GALNT17: variants seen among roughly 807,000 people sequenced by gnomAD.
GALNT17 encodes the protein polypeptide N-acetylgalactosaminyltransferase 17, also known as UDP-GalNAc:polypeptide N-acetylgalactosaminyltransferase-like 3.
GALNT17 carries 29 observed loss-of-function variants against 63.7 expected under a neutral mutation model. That is an observed-to-expected ratio of 0.46 (90% CI 0.34 to 0.62). GALNT17 has a LOEUF of 0.62. GALNT17 is among the 20% of genes least tolerant of loss of function. The pLI is 0.01. For synonymous variants in GALNT17, 305 were observed against 318.3 expected (o/e 0.96, Z 0.45); for missense variants, 603 against 799.6 (o/e 0.75, Z 2.97).
At chr7:71,643,976 T>C (rs1790638901) in intron 6 of GALNT17, among the ~76,000 whole-genome samples, 1 of 152,180 alleles carries the variant, frequency 6.6e-6, no homozygotes, top group Non-Finnish European at 1.5e-5. Context: ...TATCCAGCTT[T>C]CCTGGAAGCT....
intron 1 of GALNT17, among the ~76,000 whole-genome samples, chr7:71,311,636 G>A (rs1039105068): frequency 4.6e-5 from 7 of 152,178 alleles, no homozygotes; most frequent in African/African-American, 1.2e-4. Flanking sequence ...GAGCAGCGCA[G>A]CATCTCAGTG....
chr7:71,524,238 T>G (rs1471956709), intron 5 of GALNT17, among the ~76,000 whole-genome samples: 1 of 147,686 alleles, frequency 6.8e-6, no homozygotes, highest in Non-Finnish European at 1.5e-5. Flanking sequence ...ATATTATATA[T>G]ATAATAATAA....
At chr7:71,269,818 TG>T (rs1448930517) in intron 1 of GALNT17, among the ~76,000 whole-genome samples, 1 of 152,174 alleles carries the variant, frequency 6.6e-6, no homozygotes, top group Non-Finnish European at 1.5e-5. Flanking sequence ...ATAGCATGGC[TG>T]GGGGAGGTGA....
In GALNT17 at chr7:71,677,351, C is replaced by T. The variant is rs78380583; in HGVS notation, c.1500+45C>T. 823 of 1,579,612 alleles carry T rather than the reference C, an allele frequency of 5.2e-4. 5 individuals are homozygous for T. The African/African-American group carries it at 9.1e-3, about 18-fold the overall frequency. On this transcript the variant is annotated intron_variant, in intron 9 of 10. Transcript: ENST00000333538. Reference sequence around the variant, plus strand: ...CAGGAAGGAAGTAATATCACCATCTCCGACCCACAGAGGCCTTGCAGGCCT... The same window carrying T: ...CAGGAAGGAAGTAATATCACCATCTTCGACCCACAGAGGCCTTGCAGGCCT...
At chr7:71,452,472 G>T (rs1340008355) in intron 5 of GALNT17, among the ~76,000 whole-genome samples, 1 of 151,552 alleles carries the variant, frequency 6.6e-6, no homozygotes, top group Non-Finnish European at 1.5e-5. Context: ...GCTTGAACTT[G>T]GGAGGCGGAG....
chr7:71,291,666 A>G (rs949181201), intron 1 of GALNT17, among the ~76,000 whole-genome samples: 1 of 152,116 alleles, frequency 6.6e-6, no homozygotes, highest in Non-Finnish European at 1.5e-5. Context: ...TTTAATTTTA[A>G]TGTTATGCGT....
At chr7:71,411,142 A>G (rs1793422546) in intron 3 of GALNT17, among the ~76,000 whole-genome samples, 1 of 151,392 alleles carries the variant, frequency 6.6e-6, no homozygotes, top group Non-Finnish European at 1.5e-5. Context: ...TTCTTTTTTG[A>G]GAGAGTCTCG....
At chr7:71,202,061 T>C (rs937946197) in intron 1 of GALNT17, among the ~76,000 whole-genome samples, 3 of 152,228 alleles carry the variant, frequency 2.0e-5, no homozygotes, top group Admixed American at 6.5e-5. Context: ...AAACATATTA[T>C]AATGTTCAAT....
intron 1 of GALNT17, among the ~76,000 whole-genome samples, chr7:71,165,266 A>G (rs1395193663): frequency 6.6e-6 from 1 of 152,196 alleles, no homozygotes; most frequent in Non-Finnish European, 1.5e-5. Flanking sequence ...GGAGTCTGAA[A>G]ATCCGAGTTC....
intron 1 of GALNT17, among the ~76,000 whole-genome samples, chr7:71,219,863 A>G (rs1256061724): frequency 2.0e-5 from 3 of 152,152 alleles, no homozygotes; most frequent in East Asian, 1.9e-4. Flanking sequence ...CTTTCTGTGC[A>G]TTGTGGTGGT....
chr7:71,140,451 G>A (rs1229701368), intron 1 of GALNT17, among the ~76,000 whole-genome samples: 4 of 152,186 alleles, frequency 2.6e-5, no homozygotes, highest in Non-Finnish European at 5.9e-5. Flanking sequence ...ATCTGTGTTG[G>A]CAGGTGAGTG....
intron 5 of GALNT17, among the ~76,000 whole-genome samples, chr7:71,564,658 G>A (rs953997981): frequency 1.8e-4 from 27 of 152,074 alleles, no homozygotes; most frequent in Non-Finnish European, 1.2e-4. Flanking sequence ...CGCTGCACTG[G>A]GCTTACCTCC....
chr7:71,261,188 G>C (rs754580367), intron 1 of GALNT17, among the ~76,000 whole-genome samples: 4 of 152,118 alleles, frequency 2.6e-5, no homozygotes, highest in Non-Finnish European at 5.9e-5. Context: ...TCCAACGTGC[G>C]GTCACGTCTG....
At chr7:71,383,970 C>T (rs1234584129) in intron 2 of GALNT17, among the ~76,000 whole-genome samples, 4 of 152,076 alleles carry the variant, frequency 2.6e-5, no homozygotes, top group African/African-American at 9.7e-5. Flanking sequence ...GGTATATACC[C>T]GGAAGTGGAA....
Position 71,557,522 on chromosome 7 carries a change from A to G in GALNT17, c.963-13763A>G, listed in dbSNP as rs111875411. Among the ~76,000 whole-genome samples the G allele has an allele frequency of 8.3e-3, 1,270 of 152,284 alleles. 15 individuals carry two copies. Among genetic ancestry groups the G allele is most frequent in the African/African-American group, 0.028 (1,160 of 41,560 alleles). On this transcript the variant is annotated intron_variant, in intron 5 of 10. Coordinates refer to ENST00000333538, the MANE Select transcript of GALNT17 (RefSeq NM_022479.3). The stretch of plus-strand genomic sequence containing the variant: ...CAAAGTTACCTTCCTAGCTGGGTGC[A>G]GTGGCTCATGCCTGTGATCTAGCAA...
At chr7:71,224,968 CATT>C (rs1364410381) in intron 1 of GALNT17, among the ~76,000 whole-genome samples, 1 of 152,010 alleles carries the variant, frequency 6.6e-6, no homozygotes, top group Non-Finnish European at 1.5e-5. Context: ...AGCATAAACT[CATT>C]ATTTTATTTT....
chr7:71,210,487 G>T (rs376481963), intron 1 of GALNT17, among the ~76,000 whole-genome samples: 6 of 152,184 alleles, frequency 3.9e-5, no homozygotes, highest in Non-Finnish European at 8.8e-5. Context: ...AACTATAAAG[G>T]CCCTGTTCTT....
intron 5 of GALNT17, among the ~76,000 whole-genome samples, chr7:71,478,576 A>G (rs1387662158): frequency 6.6e-6 from 1 of 151,980 alleles, no homozygotes; most frequent in African/African-American, 2.4e-5. Context: ...TCAACCTCCC[A>G]AAGTGCTGGG....
chr7:71,411,047 C>G (rs1245869689), intron 3 of GALNT17, among the ~76,000 whole-genome samples: 2 of 152,106 alleles, frequency 1.3e-5, no homozygotes, highest in African/African-American at 4.8e-5. Flanking sequence ...AGATGTTTTT[C>G]TTAGTGTTCT....
Sources: gnomAD v4.1 joint callset for allele counts (sites outside exome capture counted in the v4.1 genomes callset) on GRCh38, gnomAD v4.1.1 for gene constraint, MANE v1.5 for transcripts, NCBI Gene and HGNC (gene_info 2026-07-23, HGNC 2026-07-21) for gene names.